Variants in ADCY8 observed in about 807,000 individuals in gnomAD.
ADCY8 encodes adenylate cyclase 8, also known as adenylate cyclase type 8.
Under a neutral mutation model 119.7 loss-of-function variants are expected in ADCY8, and 51 were observed. The ratio of observed to expected loss-of-function variants is 0.43; its 90% CI spans 0.34 to 0.54. The LOEUF is 0.54. ADCY8 is among the 20% of genes least tolerant of loss of function. ADCY8 has a pLI of 0.03. For missense variants in ADCY8, 1,383 were observed against 1,598.8 expected, an observed-to-expected ratio of 0.87 and a Z score of 2.30; for synonymous variants, 665 against 651.0, an observed-to-expected ratio of 1.02 and a Z score of -0.33.
chr8:131,007,405 T>G (rs1563765166), intron 1 of ADCY8, among the ~76,000 whole-genome samples: 1 of 152,198 alleles, frequency 6.6e-6, no homozygotes, highest in Non-Finnish European at 1.5e-5. Flanking sequence ...AAGAGGTTTT[T>G]GGTTGTCACA....
At position 130,844,431 on chromosome 8, in the gene ADCY8, T is replaced by A. The variant is rs532384974; in HGVS notation, c.2502+2993A>T. Among the ~76,000 whole-genome samples the A allele has an allele frequency of 1.4e-4, 22 of 152,338 alleles. No homozygotes were observed. In the East Asian group the frequency reaches 3.9e-3, roughly 27 times the overall value. On this transcript the variant is annotated intron_variant, in intron 11 of 17. Transcript: ENST00000286355. ...CATTGTAAAAGCCTCATTTTTTGTATTACATCATCCAGTTTGATAACATGT... is the reference window on the plus strand; with the variant it reads ...CATTGTAAAAGCCTCATTTTTTGTAATACATCATCCAGTTTGATAACATGT...
chr8:130,933,668 G>A (rs1820701324), intron 5 of ADCY8, among the ~76,000 whole-genome samples: 1 of 152,128 alleles, frequency 6.6e-6, no homozygotes, highest in Non-Finnish European at 1.5e-5. Context: ...ATTTCTCACT[G>A]TTCAATTTCA....
chr8:130,880,616 AGG>A (rs1818733529), intron 8 of ADCY8, among the ~76,000 whole-genome samples: 1 of 152,202 alleles, frequency 6.6e-6, no homozygotes, highest in South Asian at 2.1e-4. Context: ...CAACTGCAAT[AGG>A]TCTCCTCTCC....
intron 7 of ADCY8, among the ~76,000 whole-genome samples, chr8:130,896,350 T>C (rs1819387258): frequency 2.0e-5 from 3 of 152,146 alleles, no homozygotes; most frequent in African/African-American, 7.2e-5. Flanking sequence ...AATGAACAAA[T>C]AAGCATCTTG....
intron 10 of ADCY8, among the ~76,000 whole-genome samples, chr8:130,848,751 G>A: frequency 6.6e-6 from 1 of 152,150 alleles, no homozygotes; most frequent in East Asian, 1.9e-4. Flanking sequence ...CAAAAATCTA[G>A]CTGCCTGAGT....
intron 6 of ADCY8, among the ~76,000 whole-genome samples, chr8:130,908,568 G>A (rs542566960): frequency 6.6e-6 from 1 of 152,312 alleles, no homozygotes; most frequent in African/African-American, 2.4e-5. Context: ...GACCTGTGAG[G>A]TGGATTATGC....
chr8:130,813,240 C>T (rs770446321), intron 14 of ADCY8, among the ~76,000 whole-genome samples: 4 of 152,192 alleles, frequency 2.6e-5, no homozygotes, highest in African/African-American at 4.8e-5. Context: ...AGCCACTGCG[C>T]CCGGCCATCT....
chr8:130,876,185 G>A (rs1818557288), intron 8 of ADCY8, among the ~76,000 whole-genome samples: 6 of 151,966 alleles, frequency 3.9e-5, no homozygotes, highest in Admixed American at 3.9e-4. Context: ...CGAGTAGCTG[G>A]GATTACAGGT....
intron 1 of ADCY8, among the ~76,000 whole-genome samples, chr8:130,992,769 A>T (rs1822640242): frequency 6.6e-6 from 1 of 152,156 alleles, no homozygotes; most frequent in Admixed American, 6.5e-5. Flanking sequence ...GTGTGACAAC[A>T]TTGAAGGGCC....
chr8:131,022,491 A>G (rs1007579097), intron 1 of ADCY8, among the ~76,000 whole-genome samples: 1 of 152,202 alleles, frequency 6.6e-6, no homozygotes, highest in Non-Finnish European at 1.5e-5. Flanking sequence ...CATGGTGTAT[A>G]TGTGCCAAAT....
At chr8:131,030,881 G>A (rs1428174488) in intron 1 of ADCY8, among the ~76,000 whole-genome samples, 1 of 152,184 alleles carries the variant, frequency 6.6e-6, no homozygotes, top group Non-Finnish European at 1.5e-5. Context: ...ATTGGGCAGA[G>A]ATCCCAGGGG....
intron 1 of ADCY8, among the ~76,000 whole-genome samples, chr8:131,031,198 A>G (rs1480020379): frequency 6.6e-6 from 1 of 152,172 alleles, no homozygotes; most frequent in East Asian, 1.9e-4. Flanking sequence ...GGATTGTTGC[A>G]CAGCTTCTCC....
intron 1 of ADCY8, among the ~76,000 whole-genome samples, chr8:131,037,443 A>C (rs904264567): frequency 9.2e-5 from 14 of 152,194 alleles, no homozygotes; most frequent in Non-Finnish European, 1.8e-4. Context: ...AACTTTGAAA[A>C]CACTCATAAT....
At chr8:130,938,165 T>C (rs918386746) in intron 4 of ADCY8, among the ~76,000 whole-genome samples, 1 of 152,166 alleles carries the variant, frequency 6.6e-6, no homozygotes, top group Non-Finnish European at 1.5e-5. Context: ...GTCTTTTCTG[T>C]GAGTCTTTGG....
At chr8:130,823,494 C>T (rs953080281) in intron 12 of ADCY8, among the ~76,000 whole-genome samples, 3 of 138,616 alleles carry the variant, frequency 2.2e-5, no homozygotes, top group African/African-American at 2.8e-5. Context: ...AAACCAAGAA[C>T]ATGTTGAACT....
chr8:130,810,707 C>G (rs757239456), intron 14 of ADCY8, among the ~76,000 whole-genome samples: 2 of 152,180 alleles, frequency 1.3e-5, no homozygotes, highest in Non-Finnish European at 2.9e-5. Context: ...GTGTTTAATC[C>G]TAGTCCAGTG....
chr8:130,983,364 C>T (rs565284137), intron 2 of ADCY8, among the ~76,000 whole-genome samples: 1 of 152,302 alleles, frequency 6.6e-6, no homozygotes, highest in African/African-American at 2.4e-5. Context: ...CTCTAGTTCA[C>T]ATCCAGTGCC....
chr8:130,994,322 G>A (rs569911949), intron 1 of ADCY8, among the ~76,000 whole-genome samples: 250 of 152,180 alleles, frequency 1.6e-3, no homozygotes, highest in African/African-American at 5.6e-3. Context: ...ATTTCTCTGG[G>A]GCATTCTTTC....
intron 1 of ADCY8, among the ~76,000 whole-genome samples, chr8:131,011,762 A>G (rs922534386): frequency 6.6e-6 from 1 of 152,094 alleles, no homozygotes; most frequent in African/African-American, 2.4e-5. Flanking sequence ...GAATTGGCAT[A>G]AAACCGTGGG....
Sources: gnomAD v4.1 joint callset for allele counts (sites outside exome capture counted in the v4.1 genomes callset) on GRCh38, gnomAD v4.1.1 for gene constraint, MANE v1.5 for transcripts, NCBI Gene and HGNC (gene_info 2026-07-23, HGNC 2026-07-21) for gene names.